GINS2: variants seen among roughly 807,000 people sequenced by gnomAD.
The protein encoded by GINS2 is GINS complex subunit 2, also known as DNA replication complex GINS protein PSF2.
Under a neutral mutation model 21.2 loss-of-function variants are expected in GINS2, and 23 were observed. That is an observed-to-expected ratio of 1.08 (90% CI 0.78 to 1.53). The LOEUF (loss-of-function observed/expected upper bound fraction) is 1.53, where lower values mean the gene tolerates loss of function less well. Among genes scored for constraint, GINS2 ranks in the 40% most tolerant of loss-of-function variants. GINS2 has a pLI of 0.00. For missense variants in GINS2, 323 were observed against 233.9 expected (o/e 1.38, Z -2.49); for synonymous variants, 118 against 85.6 (o/e 1.38, Z -2.09).
At chr16:85,681,412 G>A (rs1173266756) in intron 3 of GINS2, among the ~76,000 whole-genome samples, 170 bp downstream of exon 3, 1 of 152,222 alleles carries the variant, frequency 6.6e-6, no homozygotes, top group Non-Finnish European at 1.5e-5. Context: ...GCACCTGGCA[G>A]GTGTGTGTAC....
rs1482564306 is a variant in GINS2 at position 85,681,516 on chromosome 16, G to A, written c.305+66C>T. The A allele has an allele frequency of 8.6e-6, 8 of 925,996 alleles. No homozygotes were observed. The Admixed American group carries it at 1.6e-4, about 19-fold the overall frequency. 57.4% of individuals were successfully genotyped at this position (925,996 alleles called of 1,614,324 possible). A position where few individuals can be genotyped will look rare whatever the true frequency, so the allele number is the denominator to read the frequency against. On this transcript the variant is annotated intron_variant, in intron 3 of 4. Coordinates refer to ENST00000253462, the MANE Select transcript of GINS2 (RefSeq NM_016095.3). ...GCAGGGAAGCGGAGAGGAAGGACGA[G>A]GGTTAGGGGAAGGGCATGGCGAGTC...
chr16:85,684,361 G>A (rs953169853), intron 2 of GINS2, among the ~76,000 whole-genome samples: 1 of 152,140 alleles, frequency 6.6e-6, no homozygotes, highest in Non-Finnish European at 1.5e-5. Flanking sequence ...TGGGCACATT[G>A]ATGCACACCT....
At chr16:85,687,241 A>G (rs958164279) in intron 2 of GINS2, among the ~76,000 whole-genome samples, 3 of 152,244 alleles carry the variant, frequency 2.0e-5, no homozygotes, top group African/African-American at 7.2e-5. Flanking sequence ...TACAACTTTC[A>G]CACACACCAA....
chr16:85,678,376 T>C, intron 4 of GINS2, 39 bp from the exon 5 acceptor site: 1 of 1,610,186 alleles, frequency 6.2e-7, no homozygotes, highest in Non-Finnish European at 8.5e-7. Flanking sequence ...CAAGGAGTTT[T>C]TGATTTTGAG....
rs956256838 is a variant in GINS2, at chr16:85,677,890, G to A, written c.*322C>T. ...TACCAGTCACTGAACACCTGCCCAAGTGTGATGGCTTCCATGCAGGAGACC... is the reference window on the plus strand; with the variant it reads ...TACCAGTCACTGAACACCTGCCCAAATGTGATGGCTTCCATGCAGGAGACC... On this transcript the variant is annotated 3_prime_UTR_variant, in exon 5 of 5. Transcript: ENST00000253462. 5.5e-5 allele frequency: 13 copies of A among 238,316 alleles called. No individual in the cohort carries two copies. The highest frequency in any genetic ancestry group is 3.3e-5 in the Non-Finnish European group (4 of 121,334). The allele number at this position is 238,316 out of a possible 1,614,324, so 14.8% of individuals were successfully genotyped here. A position where few individuals can be genotyped will look rare whatever the true frequency, so the allele number is the denominator to read the frequency against.
In GINS2 at chr16:85,677,008, G is replaced by C. The variant is rs928278225; in HGVS notation, c.*1204C>G. 12 of 151,938 alleles carry C rather than the reference G, an allele frequency of 7.9e-5. No individual in the cohort carries two copies. The highest frequency in any genetic ancestry group is 1.6e-4 in the Non-Finnish European group (11 of 68,044). 9.4% of individuals were successfully genotyped at this position (151,938 alleles called of 1,614,324 possible). On this transcript the variant is annotated 3_prime_UTR_variant, in exon 5 of 5. Coordinates refer to ENST00000253462, the MANE Select transcript of GINS2 (RefSeq NM_016095.3). ...GCCTCCCGAGTAGCTGCGACTATAG[G>C]CGTGTGCCACCACACCTGGCAAATT...
intron 3 of GINS2, 77 bp from the exon 4 acceptor site, chr16:85,678,743 A>G: frequency 7.1e-7 from 1 of 1,399,792 alleles, no homozygotes; most frequent in Non-Finnish European, 9.9e-7. Context: ...GGCTCTTTTC[A>G]GGCAAAATAC....
At chr16:85,680,702 G>A (rs977300982) in intron 3 of GINS2, among the ~76,000 whole-genome samples, 2 of 152,222 alleles carry the variant, frequency 1.3e-5, no homozygotes, top group Non-Finnish European at 2.9e-5. Flanking sequence ...GAACCCAGAA[G>A]AGACATGTTA....
At chr16:85,682,945 C>A (rs898193681) in intron 2 of GINS2, among the ~76,000 whole-genome samples, 9 of 152,086 alleles carry the variant, frequency 5.9e-5, no homozygotes, top group African/African-American at 2.2e-4. Context: ...CCAGCACCGC[C>A]TCAACCCACC....
At chr16:85,681,358 A>G (rs933562561) in intron 3 of GINS2, among the ~76,000 whole-genome samples, 1 of 152,212 alleles carries the variant, frequency 6.6e-6, no homozygotes, top group Non-Finnish European at 1.5e-5. Context: ...AGAGACAGAG[A>G]AAGGCAAAGA....
intron 2 of GINS2, among the ~76,000 whole-genome samples, chr16:85,684,587 G>A (rs1046153841): frequency 2.6e-5 from 4 of 151,880 alleles, no homozygotes; most frequent in Non-Finnish European, 5.9e-5. Context: ...AGTATGGAGA[G>A]TACCCAGCAA....
At chr16:85,683,474 C>G (rs2053750948) in intron 2 of GINS2, among the ~76,000 whole-genome samples, 1 of 152,204 alleles carries the variant, frequency 6.6e-6, no homozygotes, top group Non-Finnish European at 1.5e-5. Flanking sequence ...ACAGTTCAAA[C>G]CCCCAACTCC....
intron 3 of GINS2, among the ~76,000 whole-genome samples, chr16:85,680,083 TG>T (rs1464108584): frequency 6.6e-6 from 1 of 152,206 alleles, no homozygotes; most frequent in Non-Finnish European, 1.5e-5. Context: ...TGCGCTCTGA[TG>T]GACTGTCAAG....
In GINS2 at chr16:85,688,812, G is replaced by T. The variant is rs911448997; in HGVS notation, c.87C>A (p.Ile29=). 2 of 1,528,244 alleles carry T rather than the reference G, an allele frequency of 1.3e-6. No individual in the cohort carries two copies. Among genetic ancestry groups the T allele is most frequent in the Admixed American group, 4.1e-5 (2 of 49,366 alleles). 94.7% of individuals were successfully genotyped at this position (1,528,244 alleles called of 1,614,324 possible). ...PNFSLDKIYL[I]GGDLGPFNPG... ...CCACGGCGGGCCCAGGCCTCACCCC[G>T]ATGAGGTAGATCTTGTCCAGACTGA... Residue 29 remains isoleucine (I), a synonymous_variant, in exon 1 of 5, where the codon ATC becomes ATA. Coordinates refer to ENST00000253462, the MANE Select transcript of GINS2 (RefSeq NM_016095.3).
intron 2 of GINS2, among the ~76,000 whole-genome samples, chr16:85,682,877 G>C (rs1348180986): frequency 2.0e-5 from 3 of 152,072 alleles, no homozygotes; most frequent in South Asian, 2.1e-4. Context: ...AGGGCCCTTG[G>C]TGCCGTCCTG....
chr16:85,678,424 A>C, intron 4 of GINS2, 87 bp from the exon 5 acceptor site: 1 of 1,561,336 alleles, frequency 6.4e-7, no homozygotes, highest in South Asian at 1.1e-5. Flanking sequence ...TAAGAAACCA[A>C]TGAACTGTTG....
chr16:85,686,095 T>C (rs572511760), intron 2 of GINS2, among the ~76,000 whole-genome samples: 28 of 152,318 alleles, frequency 1.8e-4, no homozygotes, highest in African/African-American at 6.7e-4. Context: ...GTCTGCATCT[T>C]TGATTTGTTT....
At chr16:85,688,217 C>T (rs1403471243) in intron 1 of GINS2, among the ~76,000 whole-genome samples, 2 of 152,090 alleles carry the variant, frequency 1.3e-5, no homozygotes, top group Non-Finnish European at 2.9e-5. Context: ...GGAGGATCGC[C>T]TGGGGAGCCC....
chr16:85,681,051 C>A (rs2053728033), intron 3 of GINS2, among the ~76,000 whole-genome samples: 1 of 152,330 alleles, frequency 6.6e-6, no homozygotes, highest in East Asian at 1.9e-4. Context: ...GGCAAACAAG[C>A]TACGGAGTTA....
Sources: gnomAD v4.1 joint callset for allele counts (sites outside exome capture counted in the v4.1 genomes callset) on GRCh38, gnomAD v4.1.1 for gene constraint, MANE v1.5 for transcripts, NCBI Gene and HGNC (gene_info 2026-07-23, HGNC 2026-07-21) for gene names.